Variants in GDAP1 observed in about 807,000 individuals in gnomAD.
GDAP1 encodes ganglioside induced differentiation associated protein 1.
A neutral mutation model predicts 40.1 loss-of-function variants in GDAP1; 34 were observed. That is an observed-to-expected ratio of 0.85 (90% CI 0.64 to 1.13). GDAP1 has a LOEUF of 1.13. Ranked by LOEUF, GDAP1 falls within the 50% of genes most tolerant of loss-of-function variation. The pLI is 0.00. For missense variants in GDAP1, 374 were observed against 433.7 expected (o/e 0.86, Z 1.22); for synonymous variants, 170 against 157.4 (o/e 1.08, Z -0.60).
intron 2 of GDAP1, among the ~76,000 whole-genome samples, chr8:74,448,857 T>A (rs978254309): frequency 2.6e-5 from 4 of 152,092 alleles, no homozygotes; most frequent in Non-Finnish European, 5.9e-5. Context: ...GGGCTTTTCA[T>A]ATATTTAATT....
intron 2 of GDAP1, among the ~76,000 whole-genome samples, chr8:74,487,645 T>C (rs1806792514): frequency 6.6e-6 from 1 of 152,200 alleles, no homozygotes; most frequent in East Asian, 1.9e-4. Context: ...TTTACTTCTC[T>C]GGCAGGACTG....
chr8:74,363,326 T>C (rs1023851114), intron 5 of GDAP1, among the ~76,000 whole-genome samples: 4 of 152,222 alleles, frequency 2.6e-5, no homozygotes, highest in African/African-American at 9.6e-5. Context: ...TTACAGTAGT[T>C]AGTTTGGTTG....
intron 2 of GDAP1, among the ~76,000 whole-genome samples, chr8:74,420,245 A>G (rs1805838051): frequency 6.6e-6 from 1 of 152,120 alleles, no homozygotes; most frequent in Admixed American, 6.5e-5. Context: ...GTGGAGTGTC[A>G]TAAAAAATGG....
intron 2 of GDAP1, among the ~76,000 whole-genome samples, chr8:74,469,935 T>C (rs7817214): frequency 0.33 from 49,990 of 150,602 alleles, 9,424 homozygotes; most frequent in Non-Finnish European, 0.41. Context: ...GATCGCACCA[T>C]TGCACTCCAG....
chr8:74,356,635 TA>T (rs946343437), intron 2 of GDAP1, among the ~76,000 whole-genome samples: 134 of 150,996 alleles, frequency 8.9e-4, no homozygotes, highest in African/African-American at 3.1e-3. Context: ...CCTCAGGTCA[TA>T]ACTTAATTGT....
intron 2 of GDAP1, among the ~76,000 whole-genome samples, chr8:74,380,877 T>G (rs1284863870): frequency 6.6e-6 from 1 of 152,226 alleles, no homozygotes; most frequent in East Asian, 1.9e-4. Context: ...TGCTCATGCC[T>G]TTTATTTCAG....
At chr8:74,369,122 G>T (rs1156671190), downstream of GDAP1, among the ~76,000 whole-genome samples, 1 of 152,132 alleles carries the variant, frequency 6.6e-6, no homozygotes, top group East Asian at 1.9e-4. Context: ...AACGTACACA[G>T]TTTAAAGGTG....
intron 2 of GDAP1, among the ~76,000 whole-genome samples, chr8:74,391,514 TG>T (rs1810109468): frequency 6.6e-6 from 1 of 151,702 alleles, no homozygotes; most frequent in South Asian, 2.1e-4. Context: ...CTGCACCCAC[TG>T]TCTAACCTTT....
intron 2 of GDAP1, among the ~76,000 whole-genome samples, chr8:74,376,402 G>A (rs1809852493): frequency 6.9e-6 from 1 of 145,062 alleles, no homozygotes; most frequent in Admixed American, 7.2e-5. Context: ...AGGCTGGAGT[G>A]CAGTGGCGCG....
chr8:74,384,207 G>A (rs1242072758), intron 2 of GDAP1, among the ~76,000 whole-genome samples: 1 of 151,988 alleles, frequency 6.6e-6, no homozygotes, highest in Non-Finnish European at 1.5e-5. Context: ...AGAAGATTGT[G>A]TGTGTTCACG....
At chr8:74,397,615 C>A (rs200071664) in intron 2 of GDAP1, among the ~76,000 whole-genome samples, 8,791 of 152,050 alleles carry the variant, frequency 0.058, 292 homozygotes, top group East Asian at 0.12. Flanking sequence ...AATAGGGAAT[C>A]CTTTCCCCAT....
At chr8:74,441,007 A>AGTGTTGCTG (rs11282212) in intron 2 of GDAP1, among the ~76,000 whole-genome samples, 61,247 of 151,754 alleles carry the variant, frequency 0.4, 13,061 homozygotes, top group Non-Finnish European at 0.47. Context: ...CTTGCATATT[A>AGTGTTGCTG]ACGTCTGCCC....
At chr8:74,440,892 G>A (rs774646144) in intron 2 of GDAP1, among the ~76,000 whole-genome samples, 15 of 152,008 alleles carry the variant, frequency 9.9e-5, no homozygotes, top group Non-Finnish European at 1.8e-4. Flanking sequence ...GCAAACTCAC[G>A]TAACTAACAA....
At chr8:74,352,197 C>T (rs1808909025) in intron 2 of GDAP1, among the ~76,000 whole-genome samples, 1 of 152,168 alleles carries the variant, frequency 6.6e-6, no homozygotes, top group Non-Finnish European at 1.5e-5. Flanking sequence ...GACTGTCTCC[C>T]ATAATCCTTG....
chr8:74,356,511 T>C (rs990737683), intron 2 of GDAP1, among the ~76,000 whole-genome samples: 13 of 152,124 alleles, frequency 8.5e-5, no homozygotes, highest in South Asian at 8.3e-4. Context: ...CTGATATAAT[T>C]TGACACCGGG....
chr8:74,361,195 A>G (rs1466931549), intron 3 of GDAP1, among the ~76,000 whole-genome samples: 2 of 151,956 alleles, frequency 1.3e-5, no homozygotes, highest in East Asian at 1.9e-4. Flanking sequence ...AGTTTTGACT[A>G]TAATTCTATG....
At chr8:74,386,392 C>T (rs1810025541) in intron 2 of GDAP1, among the ~76,000 whole-genome samples, 1 of 152,158 alleles carries the variant, frequency 6.6e-6, no homozygotes, top group African/African-American at 2.4e-5. Flanking sequence ...GGTCCAGTTT[C>T]AGCTTTCTGC....
rs779600781 is a variant in GDAP1, at chr8:74,351,301, T to C, written c.145T>C (p.Leu49=). The change falls in exon 2 of 6, where the codon TTG becomes CTG. Residue 49 remains leucine, a synonymous_variant. Transcript: ENST00000220822. The part of the protein sequence containing the change: ...KVRLVIAEKA[L]KCEEHDVSLP... ...GCGCTTGGTAATTGCTGAAAAGGCATTGAAGTGCGAGGAACATGATGTAAG... is the reference window on the plus strand; with the variant it reads ...GCGCTTGGTAATTGCTGAAAAGGCACTGAAGTGCGAGGAACATGATGTAAG... The C allele has an allele frequency of 3.7e-6, 6 of 1,614,164 alleles. No homozygotes were observed. The highest frequency in any genetic ancestry group is 1.7e-5 in the Admixed American group (1 of 60,038).
intron 2 of GDAP1, among the ~76,000 whole-genome samples, chr8:74,452,475 C>T (rs1806302428): frequency 2.4e-5 from 2 of 83,042 alleles, no homozygotes; most frequent in South Asian, 1.1e-3. Context: ...ATTACCATTA[C>T]TCTTTGTTGC....
Sources: allele counts gnomAD v4.1 joint callset (sites outside exome capture counted in the v4.1 genomes callset), GRCh38; gene constraint gnomAD v4.1.1; transcripts MANE v1.5; gene names NCBI Gene and HGNC (gene_info 2026-07-23, HGNC 2026-07-21).